The following PCDH15 variants were observed in gnomAD, a reference collection of about 807,000 sequenced individuals.
The protein encoded by PCDH15 is protocadherin-15.
A neutral mutation model predicts 178.5 loss-of-function variants in PCDH15; 129 were observed. That is an observed-to-expected ratio of 0.72 (90% CI 0.63 to 0.84). The LOEUF is 0.84. Ranked by LOEUF, PCDH15 falls within the 40% of genes least tolerant of loss-of-function variation. The probability of loss-of-function intolerance (pLI) is 0.00; values close to 1 mark genes in which losing one functional copy is unlikely to be tolerated. For synonymous variants in PCDH15, 800 were observed against 732.0 expected (o/e 1.09, Z -1.50); for missense variants, 2,230 against 2,099.9 (o/e 1.06, Z -1.21).
intron 3 of PCDH15, among the ~76,000 whole-genome samples, chr10:54,512,971 A>T (rs566126641): frequency 1.3e-5 from 2 of 152,196 alleles, no homozygotes; most frequent in South Asian, 4.1e-4. Context: ...AAATCATACC[A>T]CATGACAAGG....
At chr10:54,232,799 T>C (rs927528126) in intron 9 of PCDH15, among the ~76,000 whole-genome samples, 1 of 152,106 alleles carries the variant, frequency 6.6e-6, no homozygotes, top group African/African-American at 2.4e-5. Flanking sequence ...GGTTTGTTAA[T>C]TTTGTTGATG....
intron 3 of PCDH15, among the ~76,000 whole-genome samples, chr10:54,475,456 TC>T (rs1273241938): frequency 2.0e-5 from 3 of 151,974 alleles, no homozygotes; most frequent in Admixed American, 6.6e-5. Context: ...ACTTGCAAGA[TC>T]CCTATACATA....
chr10:54,142,590 A>C (rs572801354), intron 14 of PCDH15, among the ~76,000 whole-genome samples: 1 of 152,282 alleles, frequency 6.6e-6, no homozygotes, highest in African/African-American at 2.4e-5. Flanking sequence ...GTCTGGGCCT[A>C]TGTGTCAGAA....
intron 2 of PCDH15, among the ~76,000 whole-genome samples, chr10:55,071,209 G>T (rs558710177): frequency 7.7e-4 from 117 of 152,220 alleles, no homozygotes; most frequent in African/African-American, 2.5e-3. Context: ...AAAATAACCA[G>T]CTAACATCAT....
intron 2 of PCDH15, among the ~76,000 whole-genome samples, chr10:55,583,910 C>A (rs1255721013): frequency 6.6e-6 from 1 of 151,878 alleles, no homozygotes; most frequent in Non-Finnish European, 1.5e-5. Flanking sequence ...CGGGGTCTTG[C>A]TTTGTCACCC....
chr10:54,801,336 C>A (rs1294490441), upstream of PCDH15: 2 of 152,180 alleles, frequency 1.3e-5, no homozygotes, highest in Non-Finnish European at 2.9e-5. Context: ...TCTTGCTTCT[C>A]GCAGCACATA....
intron 5 of PCDH15, among the ~76,000 whole-genome samples, chr10:54,346,770 T>G (rs1943361917): frequency 6.6e-6 from 1 of 152,186 alleles, no homozygotes; most frequent in South Asian, 2.1e-4. Context: ...GTATGTTAGC[T>G]CCTGTGGAGA....
chr10:54,185,313 T>C lies in PCDH15; in HGVS notation c.1306-45A>G, dbSNP rs761001456. On this transcript the variant is annotated intron_variant, in intron 11 of 37. Coordinates refer to ENST00000644397, the MANE Select transcript of PCDH15 (RefSeq NM_001384140.1). ...CGTTTCAAACGTTGAATAAATAATG[T>C]AGCTATTAGTTCATTACCTAGAAGT... The C allele has an allele frequency of 2.2e-5, 36 of 1,605,600 alleles. No homozygotes were observed. The South Asian group carries it at 3.9e-4, about 17-fold the overall frequency.
At chr10:54,585,544 G>T (rs528411782) in intron 2 of PCDH15, 1 of 231,866 alleles carries the variant, frequency 4.3e-6, no homozygotes, top group Non-Finnish European at 9.2e-6. Flanking sequence ...CTTCATAGCT[G>T]TAGGCTAACC....
chr10:54,996,125 T>C (rs976595070), intron 2 of PCDH15, among the ~76,000 whole-genome samples: 12 of 152,300 alleles, frequency 7.9e-5, no homozygotes, highest in African/African-American at 2.9e-4. Flanking sequence ...TGCTCATGGC[T>C]CAGACTGCAG....
intron 17 of PCDH15, among the ~76,000 whole-genome samples, chr10:54,070,578 C>CT (rs1199026282): frequency 2.0e-5 from 3 of 151,654 alleles, no homozygotes; most frequent in African/African-American, 7.3e-5. Flanking sequence ...AATATAGCAT[C>CT]TTTTTTTATT....
chr10:54,123,711 C>T (rs745749328), intron 15 of PCDH15, among the ~76,000 whole-genome samples: 2 of 152,038 alleles, frequency 1.3e-5, no homozygotes, highest in African/African-American at 2.4e-5. Context: ...CTTGTATGCT[C>T]ACAGCAGTAC....
chr10:55,225,876 T>C (rs1028225848), intron 1 of PCDH15, among the ~76,000 whole-genome samples: 1 of 152,008 alleles, frequency 6.6e-6, no homozygotes, highest in African/African-American at 2.4e-5. Context: ...GAAGCTAAGA[T>C]TCTCTAAATT....
At chr10:54,054,886 T>C (rs907097576) in intron 18 of PCDH15, among the ~76,000 whole-genome samples, 1 of 152,112 alleles carries the variant, frequency 6.6e-6, no homozygotes, top group African/African-American at 2.4e-5. Flanking sequence ...AGAGAACTCA[T>C]AAAATTCCCC....
chr10:55,082,566 T>A (rs535250439), intron 2 of PCDH15, among the ~76,000 whole-genome samples: 9 of 118,804 alleles, frequency 7.6e-5, no homozygotes, highest in South Asian at 2.7e-4. Context: ...AGAGCAGAAA[T>A]AGGTGAAATT....
intron 2 of PCDH15, among the ~76,000 whole-genome samples, chr10:55,094,846 G>A (rs1591898925): frequency 6.6e-6 from 1 of 151,118 alleles, no homozygotes; most frequent in Non-Finnish European, 1.5e-5. Flanking sequence ...ATTTACAGAT[G>A]AGAAAACCAA....
intron 3 of PCDH15, among the ~76,000 whole-genome samples, chr10:54,423,738 T>C (rs1009963770): frequency 7.2e-5 from 11 of 151,800 alleles, no homozygotes; most frequent in Non-Finnish European, 1.2e-4. Flanking sequence ...GGGAAAAAAG[T>C]TTGAGAGACA....
intron 8 of PCDH15, among the ~76,000 whole-genome samples, chr10:54,238,312 T>A (rs2054841289): frequency 6.6e-6 from 1 of 152,060 alleles, no homozygotes. Context: ...AGTGATGGCA[T>A]GCTAAAAAAA....
At chr10:55,537,439 T>TATGTATGTATG (rs375430534) in intron 2 of PCDH15, among the ~76,000 whole-genome samples, 3 of 123,830 alleles carry the variant, frequency 2.4e-5, no homozygotes, top group Admixed American at 1.7e-4. Flanking sequence ...ATGTATGTAT[T>TATGTATGTATG]TATTTATTTA....
Sources: gnomAD v4.1 joint callset for allele counts (sites outside exome capture counted in the v4.1 genomes callset) on GRCh38, gnomAD v4.1.1 for gene constraint, MANE v1.5 for transcripts, NCBI Gene and HGNC (gene_info 2026-07-23, HGNC 2026-07-21) for gene names.